JAK2: variants seen among roughly 807,000 people sequenced by gnomAD.
The protein encoded by JAK2 is Janus kinase 2.
In JAK2, 86 loss-of-function variants were observed where a neutral mutation model predicts 139.3. The observed-to-expected ratio is 0.62, with a 90% CI of 0.52 to 0.74. The LOEUF (loss-of-function observed/expected upper bound fraction) is 0.74. JAK2 is among the 30% of genes least tolerant of loss of function. The pLI is 0.00. For missense variants in JAK2, 1,421 were observed against 1,360.3 expected (o/e 1.04, Z -0.70); for synonymous variants, 490 against 437.7 (o/e 1.12, Z -1.49).
chr9:5,102,911 G>A (rs535913614), intron 22 of JAK2, among the ~76,000 whole-genome samples: 27 of 152,124 alleles, frequency 1.8e-4, no homozygotes, highest in Middle Eastern at 6.8e-3. Context: ...ACATGGAAAG[G>A]AACAACCAGT....
intron 23 of JAK2, among the ~76,000 whole-genome samples, chr9:5,123,622 G>C (rs1336834517): frequency 1.3e-5 from 2 of 151,932 alleles, no homozygotes; most frequent in Non-Finnish European, 2.9e-5. Context: ...ACAGGTGGAG[G>C]TATCTTTTTG....
At chr9:5,114,209 C>A in intron 22 of JAK2, 1 of 497,466 alleles carries the variant, frequency 2.0e-6, no homozygotes, top group South Asian at 1.8e-5. Context: ...TGAGCCGGTC[C>A]AGCCCCTTCT....
chr9:5,088,136 C>T (rs1442656294), intron 19 of JAK2, among the ~76,000 whole-genome samples: 1 of 152,126 alleles, frequency 6.6e-6, no homozygotes, highest in Non-Finnish European at 1.5e-5. Context: ...TGAAAAACCT[C>T]ATTTTAGGGA....
chr9:5,098,730 G>C (rs1424856243), intron 22 of JAK2: 1 of 148,002 alleles, frequency 6.8e-6, no homozygotes, highest in Non-Finnish European at 1.5e-5. Flanking sequence ...GTCTCGCTCT[G>C]TCGCCCAGGC....
intron 4 of JAK2, among the ~76,000 whole-genome samples, chr9:5,042,735 G>A (rs919173598): frequency 2.6e-5 from 4 of 152,192 alleles, no homozygotes; most frequent in African/African-American, 7.2e-5. Flanking sequence ...CACCTGGGAG[G>A]GACACAGGCA....
intron 19 of JAK2, chr9:5,084,896 A>G: frequency 2.3e-6 from 1 of 441,364 alleles, no homozygotes; most frequent in Non-Finnish European, 4.3e-6. Context: ...TATCTTTTAA[A>G]ATGATTTTTG....
At chr9:5,120,384 G>A (rs1354305268) in intron 22 of JAK2, among the ~76,000 whole-genome samples, 1 of 152,182 alleles carries the variant, frequency 6.6e-6, no homozygotes, top group African/African-American at 2.4e-5. Context: ...AAGTCTGAAA[G>A]AACTCAATTT....
In JAK2 at chr9:5,035,341, C is replaced by T. The variant is rs1586674480; in HGVS notation, c.350+5435C>T. The stretch of plus-strand genomic sequence containing the variant: ...TGGTACCATTCCTTCTGAAACTATT[C>T]CAATCAATAGAATAAGAGGGAATCC... On this transcript the variant is annotated intron_variant, in intron 4 of 24. Coordinates refer to ENST00000381652, the MANE Select transcript of JAK2 (RefSeq NM_004972.4). 1.3e-5 allele frequency among the ~76,000 whole-genome samples: 2 copies of T among 152,286 alleles called. 1 individual carries two copies. Among genetic ancestry groups the T allele is most frequent in the Middle Eastern group, 6.8e-3 (2 of 292 alleles).
intron 22 of JAK2, among the ~76,000 whole-genome samples, chr9:5,107,275 C>G (rs977654212): frequency 6.6e-6 from 1 of 152,068 alleles, no homozygotes; most frequent in African/African-American, 2.4e-5. Context: ...CCTACTACTA[C>G]TACTAATTAC....
chr9:5,019,908 C>T (rs1299281384), intron 2 of JAK2, among the ~76,000 whole-genome samples: 1 of 152,206 alleles, frequency 6.6e-6, no homozygotes, highest in Non-Finnish European at 1.5e-5. Context: ...GACTGATCCT[C>T]AGTCCTCAGT....
intron 2 of JAK2, among the ~76,000 whole-genome samples, chr9:5,012,548 G>GAA (rs1821770679): frequency 6.6e-6 from 1 of 152,058 alleles, no homozygotes; most frequent in Non-Finnish European, 1.5e-5. Context: ...TTCTCATTAA[G>GAA]GGAGGCAACC....
At chr9:4,991,258 G>C (rs142119836) in intron 2 of JAK2, among the ~76,000 whole-genome samples, 1 of 152,184 alleles carries the variant, frequency 6.6e-6, no homozygotes, top group Non-Finnish European at 1.5e-5. Context: ...AACTAGGTTA[G>C]AATGGTCCAT....
rs977955095 is a variant in JAK2 at position 5,129,396 on chromosome 9, C to G, written c.*2605C>G. On this transcript the variant is annotated 3_prime_UTR_variant, in exon 25 of 25. Transcript: ENST00000381652. ...TCCAGTTTTTAAGAAATGCTTCCTA[C>G]AACTGCTGTCAACCACTGTATTGTC... Among the ~76,000 whole-genome samples, 1 of 152,080 alleles carries G rather than the reference C, an allele frequency of 6.6e-6. No homozygotes were observed. The highest frequency in any genetic ancestry group is 1.5e-5 in the Non-Finnish European group (1 of 67,952).
intron 4 of JAK2, among the ~76,000 whole-genome samples, chr9:5,033,177 G>C (rs554616693): frequency 5.9e-5 from 9 of 152,294 alleles, no homozygotes; most frequent in African/African-American, 1.7e-4. Context: ...GAAATGAAGT[G>C]AGAAGAGAAG....
intron 6 of JAK2, 39 bp downstream of exon 6, chr9:5,050,870 T>C (rs1817368977): frequency 6.6e-7 from 1 of 1,523,222 alleles, no homozygotes; most frequent in Non-Finnish European, 9.1e-7. Context: ...TAAGTGTGAG[T>C]AGAGATTTTA....
At chr9:5,087,811 T>C (rs147218610) in intron 19 of JAK2, among the ~76,000 whole-genome samples, 2,419 of 152,312 alleles carry the variant, frequency 0.016, 36 homozygotes, top group Middle Eastern at 0.027. Flanking sequence ...GTATCCTTAA[T>C]AGAGATGTAC....
chr9:5,065,121 G>A (rs972179703), intron 9 of JAK2, 81 bp downstream of exon 9: 13 of 852,262 alleles, frequency 1.5e-5, no homozygotes, highest in East Asian at 3.1e-5. Context: ...AGTGATACAT[G>A]TATGTTTAGA....
intron 6 of JAK2, among the ~76,000 whole-genome samples, chr9:5,052,229 A>G (rs903525804): frequency 2.0e-5 from 3 of 152,082 alleles, no homozygotes; most frequent in South Asian, 2.1e-4. Context: ...TCTTGGCACA[A>G]TCTTTCTATG....
chr9:5,061,955 G>A (rs1359675231), intron 8 of JAK2, among the ~76,000 whole-genome samples: 1 of 152,204 alleles, frequency 6.6e-6, no homozygotes, highest in East Asian at 1.9e-4. Flanking sequence ...GAATAGGGAG[G>A]CCTGAGGAGA....
Sources: allele counts gnomAD v4.1 joint callset (sites outside exome capture counted in the v4.1 genomes callset), GRCh38; gene constraint gnomAD v4.1.1; transcripts MANE v1.5; gene names NCBI Gene and HGNC (gene_info 2026-07-23, HGNC 2026-07-21).